Variants in SFMBT2 observed in about 807,000 individuals in gnomAD.
SFMBT2 encodes scm-like with four MBT domains protein 2.
In SFMBT2, 38 loss-of-function variants were observed where a neutral mutation model predicts 110.1. The observed-to-expected ratio is 0.35, with a 90% confidence interval of 0.27 to 0.45. The LOEUF is 0.45. Among genes scored for constraint, SFMBT2 ranks in the 20% least tolerant of loss-of-function variants. The pLI, the probability that SFMBT2 is intolerant of heterozygous loss-of-function variation, is 1.00. For missense variants in SFMBT2, 1,011 were observed against 1,094.9 expected, an observed-to-expected ratio of 0.92 and a Z score of 1.08; for synonymous variants, 425 against 425.4, an observed-to-expected ratio of 1.00 and a Z score of 0.01.
At chr10:7,248,360 C>T (rs1281023166) in intron 8 of SFMBT2, among the ~76,000 whole-genome samples, 188 bp downstream of exon 8, 1 of 152,242 alleles carries the variant, frequency 6.6e-6, no homozygotes, top group Non-Finnish European at 1.5e-5. Context: ...ATTAGAGTCA[C>T]TCTGTGCCAC....
chr10:7,234,398 C>T (rs1172984942), intron 9 of SFMBT2, among the ~76,000 whole-genome samples: 1 of 152,206 alleles, frequency 6.6e-6, no homozygotes, highest in Non-Finnish European at 1.5e-5. Context: ...GAATTATAAA[C>T]ACAATGTTAC....
intron 7 of SFMBT2, chr10:7,249,378 C>T (rs370492681): frequency 2.6e-5 from 8 of 302,498 alleles, no homozygotes; most frequent in African/African-American, 1.8e-4. Context: ...AGCTACACAG[C>T]AATAGAGGAG....
At chr10:7,379,566 G>C (rs184833256) in intron 2 of SFMBT2, among the ~76,000 whole-genome samples, 6 of 152,058 alleles carry the variant, frequency 3.9e-5, no homozygotes, top group Admixed American at 1.3e-4. Flanking sequence ...AGTCTGTATC[G>C]TCATCTAAAA....
At chr10:7,319,980 CACAGAGAGAGAG>C (rs958249345) in intron 4 of SFMBT2, among the ~76,000 whole-genome samples, 9 of 142,006 alleles carry the variant, frequency 6.3e-5, no homozygotes, top group South Asian at 2.4e-4. Context: ...GACAGAGAGA[CACAGAGAGAGAG>C]ACAGAGAGGG....
chr10:7,368,908 C>T (rs1172801588), intron 3 of SFMBT2, among the ~76,000 whole-genome samples: 1 of 152,164 alleles, frequency 6.6e-6, no homozygotes, highest in African/African-American at 2.4e-5. Flanking sequence ...GTAAATATAG[C>T]ATGATGAGTA....
intron 4 of SFMBT2, among the ~76,000 whole-genome samples, chr10:7,314,324 T>C (rs1032521218): frequency 1.3e-5 from 2 of 152,248 alleles, no homozygotes; most frequent in Non-Finnish European, 2.9e-5. Context: ...GCTAACTTAT[T>C]TACAAGTTAC....
intron 7 of SFMBT2, among the ~76,000 whole-genome samples, chr10:7,250,835 G>A (rs1040431125): frequency 6.6e-6 from 1 of 152,134 alleles, no homozygotes; most frequent in African/African-American, 2.4e-5. Context: ...ATTTTTAAAG[G>A]TGGCTGGGGG....
chr10:7,188,556 G>T, intron 16 of SFMBT2, 68 bp downstream of exon 16: 1 of 1,229,216 alleles, frequency 8.1e-7, no homozygotes, highest in Non-Finnish European at 1.2e-6. Flanking sequence ...AAAGAGAAGT[G>T]GCAAGGTTCA....
In SFMBT2 at chr10:7,172,219, C is replaced by G. The variant is rs983080774; in HGVS notation, c.2152-61G>C. 2 of 1,503,218 alleles carry G rather than the reference C, an allele frequency of 1.3e-6. No homozygotes were observed. Among genetic ancestry groups the G allele is most frequent in the Middle Eastern group, 3.9e-4 (2 of 5,070 alleles). 93.1% of individuals were successfully genotyped at this position (1,503,218 alleles called of 1,614,324 possible). On this transcript the variant is annotated intron_variant, in intron 18 of 20. Coordinates refer to ENST00000397167, the MANE Select transcript of SFMBT2 (RefSeq NM_001387889.1). The surrounding 1 kb of genome is among the most constrained non-coding windows in gnomAD (Gnocchi z 4.6). ...GCCCGGGGGCCTGTAGCGGTGGCCC[C>G]GCGGTCAGACCCTGGGCCCAGTGCA...
intron 4 of SFMBT2, among the ~76,000 whole-genome samples, chr10:7,322,793 G>A (rs796315137): frequency 3.3e-5 from 5 of 152,278 alleles, no homozygotes; most frequent in African/African-American, 1.2e-4. Context: ...CAGAAAGACA[G>A]GATTTCACAT....
intron 4 of SFMBT2, among the ~76,000 whole-genome samples, chr10:7,299,942 A>G (rs1034888521): frequency 3.3e-5 from 5 of 152,224 alleles, no homozygotes; most frequent in African/African-American, 1.2e-4. Flanking sequence ...AATGTGGCAC[A>G]TATACACCAT....
intron 4 of SFMBT2, among the ~76,000 whole-genome samples, chr10:7,329,029 T>A (rs746625649): frequency 1.0e-3 from 155 of 152,310 alleles, no homozygotes; most frequent in Non-Finnish European, 1.8e-3. Flanking sequence ...TGAATTCACA[T>A]GAGGCTGCCA....
intron 7 of SFMBT2, chr10:7,249,155 G>A (rs1840718595): frequency 1.5e-6 from 1 of 679,286 alleles, no homozygotes. Flanking sequence ...TAAGGGTAGG[G>A]GTACTCAAGA....
chr10:7,218,748 C>T (rs1489270841), intron 11 of SFMBT2, among the ~76,000 whole-genome samples: 4 of 152,160 alleles, frequency 2.6e-5, no homozygotes, highest in South Asian at 2.1e-4. Context: ...GTTAAATATA[C>T]ACTAAATGTT....
intron 7 of SFMBT2, among the ~76,000 whole-genome samples, chr10:7,272,631 G>A (rs1275207042): frequency 1.3e-5 from 2 of 152,120 alleles, no homozygotes; most frequent in Non-Finnish European, 2.9e-5. Context: ...TTCTCTCCAC[G>A]TGGCTCCTGG....
chr10:7,395,226 G>A (rs1156876363), intron 1 of SFMBT2, among the ~76,000 whole-genome samples: 1 of 152,174 alleles, frequency 6.6e-6, no homozygotes, highest in African/African-American at 2.4e-5. Context: ...GGTGGAGGCT[G>A]CAGTGAGCAG....
At position 7,258,671 on chromosome 10, in the gene SFMBT2, C is replaced by T. The variant is rs192376536; in HGVS notation, c.871-10022G>A. On this transcript the variant is annotated intron_variant, in intron 7 of 20. Coordinates refer to ENST00000397167, the MANE Select transcript of SFMBT2 (RefSeq NM_001387889.1). ...CTATTCGTATCAGCATGCCAGGTCC[C>T]GCTGAAAAAACCATCCAGAACCATT... Among the ~76,000 whole-genome samples, 43 of 152,240 alleles carry T rather than the reference C, an allele frequency of 2.8e-4. No homozygotes were observed. In the East Asian group the frequency reaches 7.1e-3, roughly 25 times the overall value.
rs983810639 is a variant in SFMBT2 at position 7,367,156 on chromosome 10, A to G, written c.436+493T>C. 3.4e-4 allele frequency among the ~76,000 whole-genome samples: 52 copies of G among 152,008 alleles called. No homozygotes were observed. The highest frequency in any genetic ancestry group is 1.5e-4 in the Non-Finnish European group (10 of 67,986). ...CTTGACACCCTGACAGTCTCCCAACAAGACAGATGAAAAGTTATTAGAGAA... is the reference window on the plus strand; with the variant it reads ...CTTGACACCCTGACAGTCTCCCAACGAGACAGATGAAAAGTTATTAGAGAA... On this transcript the variant is annotated intron_variant, in intron 4 of 20. Transcript: ENST00000397167. This position sits in a 1 kb window ranked among gnomAD's most constrained non-coding sequence, Gnocchi z 6.2.
chr10:7,195,765 C>T (rs1334890522), intron 15 of SFMBT2, among the ~76,000 whole-genome samples: 2 of 152,194 alleles, frequency 1.3e-5, no homozygotes, highest in Admixed American at 6.5e-5. Flanking sequence ...TGTGATCTCA[C>T]AGTGTGCATG....
Sources: gnomAD v4.1 joint callset for allele counts (sites outside exome capture counted in the v4.1 genomes callset) on GRCh38, gnomAD v4.1.1 for gene constraint, Gnocchi (gnomAD v3.1) non-coding constraint, MANE v1.5 for transcripts, NCBI Gene and HGNC (gene_info 2026-07-23, HGNC 2026-07-21) for gene names.